The following CRPPA variants were observed in gnomAD, a reference collection of about 807,000 sequenced individuals.
The protein encoded by CRPPA is D-ribitol-5-phosphate cytidylyltransferase.
In CRPPA, 43 loss-of-function variants were observed where a neutral mutation model predicts 52.0. The ratio of observed to expected loss-of-function variants is 0.83; its 90% CI spans 0.65 to 1.07. The LOEUF is 1.07. Ranked by LOEUF, CRPPA falls within the 50% of genes least tolerant of loss-of-function variation. The pLI is 0.00. For synonymous variants in CRPPA, 250 were observed against 203.5 expected, an observed-to-expected ratio of 1.23 and a Z score of -1.94; for missense variants, 629 against 551.7, an observed-to-expected ratio of 1.14 and a Z score of -1.40.
chr7:16,396,630 AT>A (rs1787579487), intron 2 of CRPPA, among the ~76,000 whole-genome samples: 1 of 152,264 alleles, frequency 6.6e-6, no homozygotes, highest in Admixed American at 6.5e-5. Context: ...ACATGCATAT[AT>A]GTAGCAGCAC....
intron 2 of CRPPA, among the ~76,000 whole-genome samples, chr7:16,398,031 T>C (rs949444835): frequency 3.9e-5 from 6 of 152,238 alleles, no homozygotes; most frequent in African/African-American, 1.2e-4. Flanking sequence ...GATCAACACG[T>C]AATCAACATG....
rs1214967656 is a variant in CRPPA, at chr7:16,387,086, T to TATATAC, written c.535-10846_535-10845insGTATAT. The stretch of plus-strand genomic sequence containing the variant: ...ATATATATATATATATATATATATA[T>TATATAC]ACACACATATATATATGTATATACA... On this transcript the variant is annotated intron_variant, in intron 2 of 9. Coordinates refer to ENST00000407010, the MANE Select transcript of CRPPA (RefSeq NM_001101426.4). Among the ~76,000 whole-genome samples the TATATAC allele has an allele frequency of 9.9e-3, 547 of 55,452 alleles. 2 individuals carry two copies. Among genetic ancestry groups the TATATAC allele is most frequent in the Non-Finnish European group, 0.015 (462 of 30,184 alleles). 36.4% of individuals were successfully genotyped at this position (55,452 alleles called of 152,430 possible).
intron 2 of CRPPA, among the ~76,000 whole-genome samples, chr7:16,383,725 G>A (rs112582373): frequency 0.021 from 3,189 of 152,312 alleles, 49 homozygotes; most frequent in South Asian, 0.066. Context: ...CAGCCTCGCT[G>A]CCACCTTGCA....
intron 9 of CRPPA, among the ~76,000 whole-genome samples, chr7:16,166,491 G>C (rs1275996707): frequency 6.6e-6 from 1 of 152,028 alleles, no homozygotes; most frequent in Admixed American, 6.6e-5. Context: ...TGTTGGCCAG[G>C]CTAGTCTCGA....
chr7:16,350,826 A>G (rs1228521307), intron 3 of CRPPA, among the ~76,000 whole-genome samples: 1 of 152,180 alleles, frequency 6.6e-6, no homozygotes, highest in Non-Finnish European at 1.5e-5. Flanking sequence ...GGCTTAATGG[A>G]TAAAAGATCC....
At chr7:16,211,578 T>TA (rs367815130) in intron 9 of CRPPA, among the ~76,000 whole-genome samples, 22 of 151,116 alleles carry the variant, frequency 1.5e-4, no homozygotes, top group East Asian at 7.8e-4. Flanking sequence ...ATGATTACCA[T>TA]AAAAAAAAAC....
chr7:16,308,631 G>T lies in CRPPA; in HGVS notation c.685-4C>A, dbSNP rs763474853. 2.0e-6 allele frequency: 3 copies of T among 1,525,796 alleles called. No individual in the cohort carries two copies. The highest frequency in any genetic ancestry group is 2.7e-6 in the Non-Finnish European group (3 of 1,103,770). The allele number at this position is 1,525,796 out of a possible 1,614,324, so 94.5% of individuals were successfully genotyped here. A position where few individuals can be genotyped will look rare whatever the true frequency, so the allele number is the denominator to read the frequency against. ...ATTCCAAGTCATAGTCACTACACTG[G>T]TGTGGAAACAACAACAACAACAATT... On this transcript the variant is annotated splice_polypyrimidine_tract_variant and splice_region_variant and intron_variant, in intron 3 of 9. Transcript: ENST00000407010.
chr7:16,202,109 T>C (rs1393631762), intron 9 of CRPPA, among the ~76,000 whole-genome samples: 2 of 152,204 alleles, frequency 1.3e-5, no homozygotes, highest in East Asian at 3.9e-4. Context: ...ATGATGTCAC[T>C]AGCTTTTAAT....
At chr7:16,310,827 T>C (rs772673367) in intron 3 of CRPPA, among the ~76,000 whole-genome samples, 1 of 152,176 alleles carries the variant, frequency 6.6e-6, no homozygotes, top group Middle Eastern at 3.4e-3. Flanking sequence ...GTAATCCAAA[T>C]GAGTTGGGAC....
intron 9 of CRPPA, among the ~76,000 whole-genome samples, chr7:16,175,989 G>A (rs962457084): frequency 6.6e-6 from 1 of 152,014 alleles, no homozygotes; most frequent in Non-Finnish European, 1.5e-5. Flanking sequence ...AGACACTGGC[G>A]AAAAGCTTCT....
At chr7:16,245,047 TA>T (rs35768406) in intron 8 of CRPPA, among the ~76,000 whole-genome samples, 18,252 of 142,044 alleles carry the variant, frequency 0.13, 1,064 homozygotes, top group Non-Finnish European at 0.15. Flanking sequence ...GTCTTACATT[TA>T]AAAAAAAAAA....
chr7:16,174,551 C>T (rs539943504), intron 9 of CRPPA, among the ~76,000 whole-genome samples: 4 of 152,178 alleles, frequency 2.6e-5, no homozygotes, highest in South Asian at 4.2e-4. Context: ...AATTAATAGT[C>T]GCTGGTCTTT....
Position 16,286,097 on chromosome 7 carries a change from A to AAAATATATATAT in CRPPA, c.836-7872_836-7871insATATATATATTT. 3.5e-3 allele frequency among the ~76,000 whole-genome samples: 137 copies of AAAATATATATAT among 39,112 alleles called. 15 individuals carry two copies. Among genetic ancestry groups the AAAATATATATAT allele is most frequent in the African/African-American group, 6.1e-3 (33 of 5,450 alleles). The allele number at this position is 39,112 out of a possible 152,430, so 25.7% of individuals were successfully genotyped here. On this transcript the variant is annotated intron_variant, in intron 5 of 9. Transcript: ENST00000407010. Reference sequence around the variant, plus strand: ...TATATATATAATATTTAAAAAAAAAAATATATATATATATATATATGCCAA... The same window carrying AAAATATATATAT: ...TATATATATAATATTTAAAAAAAAAAAAATATATATATATATATATATATATATATATGCCAA...
intron 6 of CRPPA, among the ~76,000 whole-genome samples, chr7:16,266,011 A>G (rs1783943410): frequency 6.6e-6 from 1 of 152,126 alleles, no homozygotes; most frequent in Non-Finnish European, 1.5e-5. Flanking sequence ...CTTGTCACAG[A>G]CATCACAACA....
chr7:16,391,204 G>A (rs1787434410), intron 2 of CRPPA, among the ~76,000 whole-genome samples: 1 of 150,532 alleles, frequency 6.6e-6, no homozygotes, highest in Non-Finnish European at 1.5e-5. Context: ...TGTTCCTACA[G>A]ACGGCCATCT....
At chr7:16,258,359 T>C in intron 8 of CRPPA, 31 bp downstream of exon 8, 1 of 1,371,054 alleles carries the variant, frequency 7.3e-7, no homozygotes, top group Non-Finnish European at 1.0e-6. Flanking sequence ...GAAGCATAAG[T>C]TTGAGAAAAA....
At chr7:16,305,099 C>A (rs1784879830) in intron 4 of CRPPA, among the ~76,000 whole-genome samples, 1 of 151,852 alleles carries the variant, frequency 6.6e-6, no homozygotes, top group Non-Finnish European at 1.5e-5. Flanking sequence ...TCTCATCATA[C>A]AAAATAAGAT....
chr7:16,160,661 C>G (rs1193381078), intron 9 of CRPPA, among the ~76,000 whole-genome samples: 6 of 152,124 alleles, frequency 3.9e-5, no homozygotes, highest in Admixed American at 3.9e-4. Context: ...TTTTTTGGTT[C>G]AATATGAAAT....
At chr7:16,094,445 C>A (rs1781895895) in intron 9 of CRPPA, among the ~76,000 whole-genome samples, 1 of 152,052 alleles carries the variant, frequency 6.6e-6, no homozygotes, top group Non-Finnish European at 1.5e-5. Context: ...AAAATGCAAA[C>A]CCAATGTATC....
Sources: allele counts gnomAD v4.1 joint callset (sites outside exome capture counted in the v4.1 genomes callset), GRCh38; gene constraint gnomAD v4.1.1; transcripts MANE v1.5; gene names NCBI Gene and HGNC (gene_info 2026-07-23, HGNC 2026-07-21).